The following ARHGAP32 variants were observed in gnomAD, a reference collection of about 807,000 sequenced individuals.
ARHGAP32 encodes Rho GTPase activating protein 32.
In ARHGAP32, 51 loss-of-function variants were observed where a neutral mutation model predicts 186.5. That is an observed-to-expected ratio of 0.27 (90% CI 0.22 to 0.35). The LOEUF is 0.35. ARHGAP32 is among the 10% of genes least tolerant of loss of function. The pLI, the probability that ARHGAP32 is intolerant of heterozygous loss-of-function variation, is 1.00. For synonymous variants in ARHGAP32, 950 were observed against 964.3 expected, an observed-to-expected ratio of 0.99 and a Z score of 0.27; for missense variants, 2,186 against 2,623.5, an observed-to-expected ratio of 0.83 and a Z score of 3.64.
intron 6 of ARHGAP32, among the ~76,000 whole-genome samples, chr11:129,081,799 G>A (rs892314042): frequency 6.6e-6 from 1 of 151,946 alleles, no homozygotes; most frequent in East Asian, 1.9e-4. Flanking sequence ...CTGGTAAAGA[G>A]GAAGTCAAAC....
At chr11:128,993,321 T>C (rs1024098245) in intron 12 of ARHGAP32, 1 of 152,194 alleles carries the variant, frequency 6.6e-6, no homozygotes, top group Non-Finnish European at 1.5e-5. Flanking sequence ...TTTTAGTATA[T>C]GTGCTGTCGA....
chr11:129,181,945 CA>C (rs1373711085), intron 1 of ARHGAP32, among the ~76,000 whole-genome samples: 1 of 152,088 alleles, frequency 6.6e-6, no homozygotes, highest in Non-Finnish European at 1.5e-5. Context: ...CATATATTCA[CA>C]CATAAATTAT....
At chr11:129,089,116 A>C (rs931536638) in intron 6 of ARHGAP32, among the ~76,000 whole-genome samples, 60 of 152,274 alleles carry the variant, frequency 3.9e-4, no homozygotes, top group African/African-American at 1.4e-3. Flanking sequence ...ATGAGAAAAA[A>C]ATATCCCAAC....
intron 1 of ARHGAP32, among the ~76,000 whole-genome samples, chr11:129,213,815 T>C (rs970505480): frequency 6.6e-6 from 1 of 151,990 alleles, no homozygotes; most frequent in Non-Finnish European, 1.5e-5. Context: ...GGATAATAAA[T>C]TGAGGCATTA....
At chr11:129,184,770 T>C (rs1423841128) in intron 1 of ARHGAP32, among the ~76,000 whole-genome samples, 1 of 151,664 alleles carries the variant, frequency 6.6e-6, no homozygotes, top group Non-Finnish European at 1.5e-5. Context: ...AAAAAGAAAC[T>C]CTTAACAAGT....
intron 1 of ARHGAP32, among the ~76,000 whole-genome samples, chr11:129,201,750 G>A (rs1249310740): frequency 2.0e-5 from 3 of 152,142 alleles, no homozygotes; most frequent in South Asian, 4.1e-4. Flanking sequence ...GGAGGCCAAG[G>A]CAGGAAGATC....
At chr11:129,274,447 G>A (rs1295157048) in intron 1 of ARHGAP32, among the ~76,000 whole-genome samples, 6 of 152,032 alleles carry the variant, frequency 3.9e-5, no homozygotes, top group East Asian at 1.9e-4. Flanking sequence ...CGAGGACAGC[G>A]TGGGAACATC....
At chr11:129,273,502 A>C (rs1369887453) in intron 1 of ARHGAP32, among the ~76,000 whole-genome samples, 1 of 152,206 alleles carries the variant, frequency 6.6e-6, no homozygotes, top group Non-Finnish European at 1.5e-5. Flanking sequence ...TTTACAACAG[A>C]GCCAAGACAA....
chr11:129,092,226 C>A lies in ARHGAP32; in HGVS notation c.531+1395G>T, dbSNP rs764218139. On this transcript the variant is annotated intron_variant, in intron 6 of 22. Coordinates refer to ENST00000682385, the MANE Select transcript of ARHGAP32 (RefSeq NM_001378024.1). The stretch of plus-strand genomic sequence containing the variant: ...TTCTGAAGGTCATTTTAAAAAACAG[C>A]ACAGATTTTTTTTTATTTTTTTCAT... Among the ~76,000 whole-genome samples, 116 of 151,664 alleles carry A rather than the reference C, an allele frequency of 7.6e-4. 9 individuals carry two copies. The highest frequency in any genetic ancestry group is 1.5e-4 in the Non-Finnish European group (10 of 67,786).
intron 12 of ARHGAP32, 129 bp downstream of exon 12, chr11:128,998,190 G>C (rs1485031196): frequency 1.4e-6 from 1 of 703,290 alleles, no homozygotes; most frequent in African/African-American, 1.8e-5. Flanking sequence ...ACCTGAGAAA[G>C]CTTAGTACAT....
At position 128,967,318 on chromosome 11, in the gene ARHGAP32, A is replaced by G. The variant is rs1945243449; in HGVS notation, c.*1589T>C. ...TTGCTCTAAATAAAAATTAATTTCA[A>G]GTTCTAAAAAGCCAGAGCAGCAACC... On this transcript the variant is annotated 3_prime_UTR_variant, in exon 23 of 23. Coordinates refer to ENST00000682385, the MANE Select transcript of ARHGAP32 (RefSeq NM_001378024.1). 1 of 152,234 alleles carries G rather than the reference A, an allele frequency of 6.6e-6. No individual in the cohort carries two copies. Among genetic ancestry groups the G allele is most frequent in the South Asian group, 2.1e-4 (1 of 4,830 alleles). The allele number at this position is 152,234 out of a possible 1,614,324, so 9.4% of individuals were successfully genotyped here.
At chr11:129,008,195 C>T (rs1232707822) in intron 11 of ARHGAP32, among the ~76,000 whole-genome samples, 1 of 152,160 alleles carries the variant, frequency 6.6e-6, no homozygotes, top group Non-Finnish European at 1.5e-5. Flanking sequence ...TATGAGTGCT[C>T]ACCTGATTTT....
chr11:129,157,691 CA>C (rs1245565365), intron 2 of ARHGAP32, among the ~76,000 whole-genome samples: 2 of 152,120 alleles, frequency 1.3e-5, no homozygotes, highest in Non-Finnish European at 2.9e-5. Flanking sequence ...CCCAACCTAG[CA>C]AAACAGGCCA....
At chr11:129,072,809 T>G (rs1194341908) in intron 6 of ARHGAP32, among the ~76,000 whole-genome samples, 1 of 152,200 alleles carries the variant, frequency 6.6e-6, no homozygotes, top group East Asian at 1.9e-4. Context: ...CTTGTGCTCT[T>G]AAGAGGGACA....
intron 1 of ARHGAP32, among the ~76,000 whole-genome samples, chr11:129,246,094 A>G (rs1945093910): frequency 6.6e-6 from 1 of 152,224 alleles, no homozygotes. Flanking sequence ...GTCCCTGGGA[A>G]TAAATCAATA....
Position 128,974,784 on chromosome 11 carries a change from C to T in ARHGAP32, c.2413G>A (p.Ala805Thr), listed in dbSNP as rs1023795757. 4 of 1,613,970 alleles carry T rather than the reference C, an allele frequency of 2.5e-6. No individual in the cohort carries two copies. The highest frequency in any genetic ancestry group is 3.3e-5 in the Admixed American group (2 of 59,998). Residue 805 changes from alanine to threonine, a missense_variant, in exon 21 of 23, where the codon GCC (alanine) becomes ACC (threonine). Ala to Thr is a moderately conservative substitution (Grantham distance 58). Coordinates refer to ENST00000682385, the MANE Select transcript of ARHGAP32 (RefSeq NM_001378024.1). ...GACATTGGATCAAAATCCAGGCTGG[C>T]TACTCCAATGTCTGGTGGGCTCAAG... is the stretch of plus-strand genomic sequence containing the variant. ...VDLSPPDIGV[A>T]SLDFDPMSFQ...
intron 6 of ARHGAP32, among the ~76,000 whole-genome samples, chr11:129,074,280 T>TAC (rs1451594949): frequency 2.6e-5 from 4 of 151,670 alleles, no homozygotes; most frequent in Non-Finnish European, 5.9e-5. Flanking sequence ...TTTACATATA[T>TAC]ATGTGTATGG....
chr11:129,149,017 G>A (rs879479845), intron 2 of ARHGAP32, among the ~76,000 whole-genome samples: 1 of 152,098 alleles, frequency 6.6e-6, no homozygotes, highest in Non-Finnish European at 1.5e-5. Context: ...TATTTTCCAT[G>A]GTTGCCAAAC....
chr11:129,086,098 G>C (rs1941385157), intron 6 of ARHGAP32, among the ~76,000 whole-genome samples: 1 of 150,892 alleles, frequency 6.6e-6, no homozygotes, highest in African/African-American at 2.4e-5. Context: ...TTGATCAATG[G>C]AGCAGAATAG....
Sources: allele counts gnomAD v4.1 joint callset (sites outside exome capture counted in the v4.1 genomes callset), GRCh38; gene constraint gnomAD v4.1.1; transcripts MANE v1.5; gene names NCBI Gene and HGNC (gene_info 2026-07-23, HGNC 2026-07-21).